Variants in DRC10 observed in about 807,000 individuals in gnomAD.
DRC10 encodes the protein dynein regulatory complex subunit 10, also known as IQ domain-containing protein D.
chr12:113,201,578 G>A, the DRC10 span, among the ~76,000 whole-genome samples: 5 of 152,206 alleles, frequency 3.3e-5, no homozygotes, highest in African/African-American at 7.2e-5. Context: ...GATTGCCACC[G>A]GGCTCTTTCT....
At chr12:113,205,833 G>A in the DRC10 span, among the ~76,000 whole-genome samples, 3 of 148,264 alleles carry the variant, frequency 2.0e-5, no homozygotes, top group Non-Finnish European at 4.5e-5. Context: ...AGCTTGCAGT[G>A]AGCCGAGATT....
chr12:113,209,085 C>G, the DRC10 span, among the ~76,000 whole-genome samples: 1 of 152,090 alleles, frequency 6.6e-6, no homozygotes, highest in Non-Finnish European at 1.5e-5. Context: ...GTGCACACCA[C>G]CACGCCTGGC....
the DRC10 span, chr12:113,200,525 C>T: frequency 1.2e-6 from 1 of 861,398 alleles, no homozygotes; most frequent in Non-Finnish European, 1.8e-6. Context: ...AACAGTCCCA[C>T]CCATCCCCCC....
the DRC10 span, among the ~76,000 whole-genome samples, chr12:113,203,507 A>C: frequency 8.2e-6 from 1 of 122,164 alleles, no homozygotes; most frequent in Non-Finnish European, 1.6e-5. Context: ...ACAGAGTCTC[A>C]CTCTGTCGCA....
chr12:113,197,933 T>C, the DRC10 span, among the ~76,000 whole-genome samples: 4 of 152,182 alleles, frequency 2.6e-5, no homozygotes, highest in African/African-American at 9.7e-5. Context: ...AGGACAGAAA[T>C]CAGCCTGGCG....
chr12:113,213,672 C>T, the DRC10 span, among the ~76,000 whole-genome samples: 2 of 152,234 alleles, frequency 1.3e-5, no homozygotes, highest in Non-Finnish European at 2.9e-5. Flanking sequence ...TTAAGATTGA[C>T]TTCTGGCCGG....
the DRC10 span, among the ~76,000 whole-genome samples, chr12:113,209,853 T>A: frequency 1.3e-5 from 2 of 152,236 alleles, no homozygotes; most frequent in Non-Finnish European, 2.9e-5. Flanking sequence ...AGGCCAGGCA[T>A]GGTAGCTCAC....
chr12:113,209,211 G>T, the DRC10 span, among the ~76,000 whole-genome samples: 1 of 152,188 alleles, frequency 6.6e-6, no homozygotes, highest in African/African-American at 2.4e-5. Flanking sequence ...ACCACGCCTG[G>T]CCATTTTTAA....
chr12:113,207,359 C>A, the DRC10 span: 1 of 1,202,862 alleles, frequency 8.3e-7, no homozygotes, highest in East Asian at 2.3e-5. Context: ...AAAAAAAAAT[C>A]AATCATTGAG....
At chr12:113,211,583 C>T in the DRC10 span, among the ~76,000 whole-genome samples, 3 of 151,394 alleles carry the variant, frequency 2.0e-5, no homozygotes, top group African/African-American at 7.3e-5. Context: ...GAGCTATGAT[C>T]AGGCCACTGC....
chr12:113,201,788 G>A, the DRC10 span, among the ~76,000 whole-genome samples: 1 of 152,232 alleles, frequency 6.6e-6, no homozygotes, highest in African/African-American at 2.4e-5. Context: ...CCGGGCATCT[G>A]CTCACTTCCT....
chr12:113,217,239 AC>A, the DRC10 span, among the ~76,000 whole-genome samples: 4 of 151,962 alleles, frequency 2.6e-5, no homozygotes, highest in African/African-American at 9.7e-5. Flanking sequence ...CTCAATGGCT[AC>A]CCCTCCTCAG....
chr12:113,196,664 A>T, the DRC10 span, among the ~76,000 whole-genome samples: 1 of 152,284 alleles, frequency 6.6e-6, no homozygotes. Context: ...TGAAGAGCAC[A>T]CCTGGCTTTG....
the DRC10 span, chr12:113,202,885 T>C: frequency 3.3e-6 from 1 of 299,208 alleles, no homozygotes; most frequent in Non-Finnish European, 7.0e-6. Flanking sequence ...ATTTTGGGTG[T>C]CTCTGTTATA....
chr12:113,208,125 G>A, the DRC10 span: 1 of 1,614,120 alleles, frequency 6.2e-7, no homozygotes, highest in Non-Finnish European at 8.5e-7. Context: ...TGATGGCAGG[G>A]GCCTGATACA....
chr12:113,207,470 ATTCCTT>A, the DRC10 span: 1 of 1,613,820 alleles, frequency 6.2e-7, no homozygotes, highest in Non-Finnish European at 8.5e-7. Context: ...CTCTCCGCCA[ATTCCTT>A]TTCAAGAGTA....
At chr12:113,202,923 C>G in the DRC10 span, 23,815 of 381,992 alleles carry the variant, frequency 0.062, 984 homozygotes, top group Admixed American at 0.067. Flanking sequence ...CATACACCAT[C>G]TCACAGGGTT....
At chr12:113,211,222 C>T in the DRC10 span, among the ~76,000 whole-genome samples, 1 of 152,176 alleles carries the variant, frequency 6.6e-6, no homozygotes, top group Non-Finnish European at 1.5e-5. Flanking sequence ...GCTGATACTA[C>T]AGGCACGTGC....
At chr12:113,219,681 A>G in the DRC10 span, among the ~76,000 whole-genome samples, 1 of 150,916 alleles carries the variant, frequency 6.6e-6, no homozygotes, top group East Asian at 1.9e-4. Context: ...TTTTTTATAT[A>G]TTTTTTTGAG....
Sources: allele counts gnomAD v4.1 joint callset (sites outside exome capture counted in the v4.1 genomes callset), GRCh38; gene constraint gnomAD v4.1.1; transcripts MANE v1.5; gene names NCBI Gene and HGNC (gene_info 2026-07-23, HGNC 2026-07-21).